GNG4: variants seen among roughly 807,000 people sequenced by gnomAD.
The protein encoded by GNG4 is G protein subunit gamma 4.
GNG4 carries 4 observed loss-of-function variants against 5.8 expected under a neutral mutation model. The ratio of observed to expected loss-of-function variants is 0.69; its 90% CI spans 0.34 to 1.57. GNG4 has a LOEUF of 1.57. GNG4 is among the 40% of genes most tolerant of loss of function. The pLI, the probability that GNG4 is intolerant of heterozygous loss-of-function variation, is 0.06. For synonymous variants in GNG4, 29 were observed against 32.9 expected (o/e 0.88, Z 0.41); for missense variants, 96 against 95.1 (o/e 1.01, Z -0.04).
At chr1:235,572,697 G>A (rs569959439) in intron 3 of GNG4, among the ~76,000 whole-genome samples, 7 of 147,696 alleles carry the variant, frequency 4.7e-5, no homozygotes, top group African/African-American at 2.5e-5. Context: ...ACAGGGTTTC[G>A]CCATGTTTCC....
chr1:235,571,158 A>G (rs1403369360), intron 3 of GNG4, among the ~76,000 whole-genome samples: 1 of 152,162 alleles, frequency 6.6e-6, no homozygotes, highest in Non-Finnish European at 1.5e-5. Flanking sequence ...ATAGCCAATT[A>G]GCAAAAGAAG....
At chr1:235,585,134 C>T (rs1001634388) in intron 2 of GNG4, among the ~76,000 whole-genome samples, 9 of 151,628 alleles carry the variant, frequency 5.9e-5, no homozygotes, top group African/African-American at 2.2e-4. Context: ...CCTTCCCTTC[C>T]TCCCTCCCTC....
intron 1 of GNG4, among the ~76,000 whole-genome samples, chr1:235,641,799 T>G (rs2102989139): frequency 6.6e-6 from 1 of 152,330 alleles, no homozygotes; most frequent in Admixed American, 6.5e-5. Flanking sequence ...CGGATCAACA[T>G]GGCAGGTCCT....
chr1:235,588,455 C>T (rs1184253306), intron 2 of GNG4, among the ~76,000 whole-genome samples: 1 of 152,124 alleles, frequency 6.6e-6, no homozygotes, highest in Non-Finnish European at 1.5e-5. Flanking sequence ...GCCTCAACAG[C>T]ATGACCCAAC....
At chr1:235,568,970 G>C (rs543081742) in intron 3 of GNG4, among the ~76,000 whole-genome samples, 1 of 152,034 alleles carries the variant, frequency 6.6e-6, no homozygotes, top group South Asian at 2.1e-4. Flanking sequence ...GGGACTACAG[G>C]TGCTCACCAC....
At chr1:235,587,007 G>C (rs145728099) in intron 2 of GNG4, among the ~76,000 whole-genome samples, 23 of 152,188 alleles carry the variant, frequency 1.5e-4, no homozygotes, top group Non-Finnish European at 2.9e-5. Context: ...TTAGGAGTTG[G>C]GGGAGGTTCA....
intron 3 of GNG4, among the ~76,000 whole-genome samples, chr1:235,564,169 G>A (rs1278835540): frequency 6.6e-6 from 1 of 152,140 alleles, no homozygotes. Flanking sequence ...TGCAGGAACA[G>A]AAAACCAAAT....
At chr1:235,562,803 A>C (rs1357284274) in intron 3 of GNG4, among the ~76,000 whole-genome samples, 1 of 151,732 alleles carries the variant, frequency 6.6e-6, no homozygotes, top group Non-Finnish European at 1.5e-5. Context: ...CTATCTCTCC[A>C]TTTATTTAGA....
intron 1 of GNG4, among the ~76,000 whole-genome samples, chr1:235,638,365 T>C (rs945515882): frequency 7.2e-5 from 11 of 152,216 alleles, no homozygotes; most frequent in African/African-American, 2.7e-4. Context: ...TGGGTCTCGA[T>C]GGACTAAAAT....
intron 1 of GNG4, among the ~76,000 whole-genome samples, chr1:235,639,709 G>A (rs899212384): frequency 1.6e-4 from 24 of 152,168 alleles, no homozygotes; most frequent in African/African-American, 5.1e-4. Flanking sequence ...TTTCACCCAC[G>A]TTGGCCAGGC....
Position 235,585,806 on chromosome 1 carries a change from T to C in GNG4, c.-10-1958A>G, listed in dbSNP as rs1460459137. Among the ~76,000 whole-genome samples the C allele has an allele frequency of 2.0e-5, 3 of 152,324 alleles. No homozygotes were observed. The East Asian group carries it at 5.8e-4, about 29-fold the overall frequency. On this transcript the variant is annotated intron_variant, in intron 2 of 3. Coordinates refer to ENST00000391854, the MANE Select transcript of GNG4 (RefSeq NM_001098722.2). Reference sequence around the variant, plus strand: ...TTTACTTTTGTGATATATTACCAAATTCTATAAGGTAACATTCTGATAATT... The same window carrying C: ...TTTACTTTTGTGATATATTACCAAACTCTATAAGGTAACATTCTGATAATT...
At chr1:235,563,007 T>G (rs1002652387) in intron 3 of GNG4, among the ~76,000 whole-genome samples, 13 of 152,232 alleles carry the variant, frequency 8.5e-5, no homozygotes, top group African/African-American at 3.1e-4. Flanking sequence ...CACTTAACAC[T>G]TATTATTAAG....
intron 2 of GNG4, among the ~76,000 whole-genome samples, chr1:235,588,710 CTCT>C (rs1454246590): frequency 6.6e-6 from 1 of 152,028 alleles, no homozygotes; most frequent in Non-Finnish European, 1.5e-5. Flanking sequence ...TCCCTTCATC[CTCT>C]TCTTCCAGTC....
At position 235,552,069 on chromosome 1, in the gene GNG4, T is replaced by C; in HGVS notation, c.*40A>G. The C allele has an allele frequency of 6.2e-7, 1 of 1,604,080 alleles. No individual in the cohort carries two copies. The highest frequency in any genetic ancestry group is 1.7e-5 in the Admixed American group (1 of 59,914). ...GCATGCATGGTCTCTACAGGGGACT[T>C]TGAAGGTCAGAAAAGGAGGCGTTTT... is the stretch of plus-strand genomic sequence containing the variant. On this transcript the variant is annotated 3_prime_UTR_variant, in exon 4 of 4. Transcript: ENST00000391854.
At chr1:235,561,153 G>A (rs1687051594) in intron 3 of GNG4, among the ~76,000 whole-genome samples, 1 of 152,182 alleles carries the variant, frequency 6.6e-6, no homozygotes. Context: ...GGGACTACAG[G>A]CGCCTGCCAC....
chr1:235,575,444 T>C (rs1173449404), intron 3 of GNG4, among the ~76,000 whole-genome samples: 1 of 152,170 alleles, frequency 6.6e-6, no homozygotes, highest in Non-Finnish European at 1.5e-5. Flanking sequence ...CACCTGAAAT[T>C]CCTCTCTTCC....
chr1:235,569,404 G>A (rs1687279884), intron 3 of GNG4, among the ~76,000 whole-genome samples: 3 of 150,042 alleles, frequency 2.0e-5, no homozygotes, highest in Admixed American at 1.3e-4. Context: ...GCTGCAGTGA[G>A]CCAAGATCAC....
At chr1:235,591,655 G>A (rs1028543102) in intron 2 of GNG4, among the ~76,000 whole-genome samples, 2 of 152,172 alleles carry the variant, frequency 1.3e-5, no homozygotes, top group African/African-American at 2.4e-5. Context: ...AAAAATGGAA[G>A]TAGGAACAGA....
At chr1:235,562,820 A>AT (rs1432578592) in intron 3 of GNG4, among the ~76,000 whole-genome samples, 7 of 151,748 alleles carry the variant, frequency 4.6e-5, no homozygotes, top group Admixed American at 1.3e-4. Flanking sequence ...TAGATGTTTG[A>AT]TTTTTTCCTC....
Sources: gnomAD v4.1 joint callset for allele counts (sites outside exome capture counted in the v4.1 genomes callset) on GRCh38, gnomAD v4.1.1 for gene constraint, MANE v1.5 for transcripts, NCBI Gene and HGNC (gene_info 2026-07-23, HGNC 2026-07-21) for gene names.